RORA: variants seen among roughly 807,000 people sequenced by gnomAD.
The protein encoded by RORA is RAR related orphan receptor A.
In RORA, 7 loss-of-function variants were observed where a neutral mutation model predicts 69.5. The observed-to-expected ratio is 0.10, with a 90% CI of 0.06 to 0.19. RORA has a LOEUF of 0.19. Ranked by LOEUF, RORA falls within the 10% of genes least tolerant of loss-of-function variation. RORA has a pLI of 1.00. For missense variants in RORA, 457 were observed against 663.0 expected (o/e 0.69, Z 3.41); for synonymous variants, 261 against 240.8 (o/e 1.08, Z -0.78).
chr15:61,014,685 T>G (rs960235631), intron 1 of RORA, among the ~76,000 whole-genome samples: 1 of 151,712 alleles, frequency 6.6e-6, no homozygotes, highest in Non-Finnish European at 1.5e-5. Context: ...AAACCCAATA[T>G]GACAAAATGT....
At chr15:60,557,336 T>A (rs1274035864) in intron 2 of RORA, among the ~76,000 whole-genome samples, 1 of 152,214 alleles carries the variant, frequency 6.6e-6, no homozygotes, top group Non-Finnish European at 1.5e-5. Context: ...TGAGGCTTTC[T>A]GGCACTACGA....
At chr15:60,863,690 G>A (rs1022313497) in intron 1 of RORA, among the ~76,000 whole-genome samples, 2 of 152,170 alleles carry the variant, frequency 1.3e-5, no homozygotes, top group African/African-American at 4.8e-5. Context: ...CAGTTAAACT[G>A]TTTAGTAGAC....
chr15:60,946,539 G>T (rs939856292), intron 1 of RORA, among the ~76,000 whole-genome samples: 1 of 152,210 alleles, frequency 6.6e-6, no homozygotes, highest in African/African-American at 2.4e-5. Context: ...CGAGTTGCCG[G>T]GATTGCAGAC....
chr15:60,974,313 T>C (rs1893813318), intron 1 of RORA, among the ~76,000 whole-genome samples: 1 of 152,258 alleles, frequency 6.6e-6, no homozygotes, highest in South Asian at 2.1e-4. Flanking sequence ...TGTCTGTATC[T>C]GAACCCCAAA....
rs138588675 is a variant in RORA, at chr15:60,502,342, A to G, written c.1183+418T>C. 7.2e-5 allele frequency among the ~76,000 whole-genome samples: 11 copies of G among 152,240 alleles called. 1 individual carries two copies. In the East Asian group the frequency reaches 2.1e-3, roughly 29 times the overall value. The stretch of plus-strand genomic sequence containing the variant: ...CTTAACTGTAACTTTTATTTCTTTG[A>G]TATCTGCATTTCAGTCTCATTAATG... On this transcript the variant is annotated intron_variant, in intron 8 of 10. Coordinates refer to ENST00000335670, the MANE Select transcript of RORA (RefSeq NM_134261.3).
At chr15:60,635,854 C>T (rs1303354588) in intron 2 of RORA, among the ~76,000 whole-genome samples, 1 of 152,134 alleles carries the variant, frequency 6.6e-6, no homozygotes, top group Non-Finnish European at 1.5e-5. Flanking sequence ...GGAGAAACAT[C>T]CTCAGCCTGT....
chr15:60,507,974 C>A (rs16942648), intron 5 of RORA, among the ~76,000 whole-genome samples: 8,405 of 152,242 alleles, frequency 0.055, 796 homozygotes, highest in African/African-American at 0.19. Context: ...TGCAGTGTAC[C>A]TGACATACCA....
At chr15:60,698,967 G>A (rs2070944781) in intron 1 of RORA, among the ~76,000 whole-genome samples, 1 of 151,822 alleles carries the variant, frequency 6.6e-6, no homozygotes, top group African/African-American at 2.4e-5. Flanking sequence ...TTTGTATTGT[G>A]GTATTAGTCC....
chr15:60,842,140 C>A (rs1004934271), intron 1 of RORA, among the ~76,000 whole-genome samples: 4 of 152,106 alleles, frequency 2.6e-5, no homozygotes, highest in Non-Finnish European at 5.9e-5. Flanking sequence ...GTGTTTTCCA[C>A]CCCCTTCCCT....
chr15:60,991,629 A>C (rs991043610), intron 1 of RORA, among the ~76,000 whole-genome samples: 2 of 152,146 alleles, frequency 1.3e-5, no homozygotes, highest in African/African-American at 4.8e-5. Flanking sequence ...GGGTGTTGGC[A>C]GCTCACACCT....
At chr15:61,162,447 T>G (rs986312882) in intron 1 of RORA, among the ~76,000 whole-genome samples, 1 of 152,184 alleles carries the variant, frequency 6.6e-6, no homozygotes, top group Non-Finnish European at 1.5e-5. Flanking sequence ...GGGCTCCTGT[T>G]CATGGAGGAG....
At chr15:61,195,238 A>T (rs945921741) in intron 1 of RORA, among the ~76,000 whole-genome samples, 12 of 152,010 alleles carry the variant, frequency 7.9e-5, no homozygotes, top group African/African-American at 2.9e-4. Context: ...CCAATATATA[A>T]TACAGTGCAG....
chr15:60,992,109 G>T (rs1246763367), intron 1 of RORA, among the ~76,000 whole-genome samples: 1 of 152,022 alleles, frequency 6.6e-6, no homozygotes, highest in African/African-American at 2.4e-5. Flanking sequence ...TATAATGTAT[G>T]CTTTTACACA....
intron 1 of RORA, among the ~76,000 whole-genome samples, chr15:61,149,007 C>T (rs192062609): frequency 1.3e-3 from 203 of 152,302 alleles, no homozygotes; most frequent in African/African-American, 4.7e-3. Context: ...AGACAATGTG[C>T]TCGGTCTTCT....
chr15:60,728,180 A>AAGATG (rs1477839896), intron 1 of RORA, among the ~76,000 whole-genome samples: 5 of 139,674 alleles, frequency 3.6e-5, no homozygotes, highest in Non-Finnish European at 8.4e-5. Flanking sequence ...ACAAGATAAG[A>AAGATG]AGATGCTTCC....
chr15:60,780,603 GA>G (rs1466090514), intron 1 of RORA, among the ~76,000 whole-genome samples: 1 of 152,074 alleles, frequency 6.6e-6, no homozygotes, highest in Admixed American at 6.5e-5. Context: ...GGACTCAAAA[GA>G]AACAATTTGC....
intron 1 of RORA, among the ~76,000 whole-genome samples, chr15:60,694,550 C>T (rs998811506): frequency 3.3e-5 from 5 of 152,192 alleles, no homozygotes; most frequent in South Asian, 2.1e-4. Flanking sequence ...ACTGCCCCTC[C>T]GTTCTACCCA....
At chr15:60,666,122 A>G (rs1458872804) in intron 2 of RORA, among the ~76,000 whole-genome samples, 1 of 152,170 alleles carries the variant, frequency 6.6e-6, no homozygotes, top group African/African-American at 2.4e-5. Context: ...TTGAGCACAT[A>G]GTAGATACTG....
intron 4 of RORA, among the ~76,000 whole-genome samples, chr15:60,514,205 A>G (rs1206671414): frequency 1.3e-5 from 2 of 152,184 alleles, no homozygotes; most frequent in African/African-American, 2.4e-5. Context: ...CCCAACCTCC[A>G]ATAGACTTAC....
Sources: gnomAD v4.1 joint callset for allele counts (sites outside exome capture counted in the v4.1 genomes callset) on GRCh38, gnomAD v4.1.1 for gene constraint, MANE v1.5 for transcripts, NCBI Gene and HGNC (gene_info 2026-07-23, HGNC 2026-07-21) for gene names.